GABRB1: variants seen among roughly 807,000 people sequenced by gnomAD.
GABRB1 encodes gamma-aminobutyric acid type A receptor subunit beta1.
Under a neutral mutation model 51.6 loss-of-function variants are expected in GABRB1, and 17 were observed. The observed-to-expected ratio is 0.33, with a 90% CI of 0.23 to 0.49. GABRB1 has a LOEUF of 0.49. GABRB1 is among the 20% of genes least tolerant of loss of function. GABRB1 has a pLI of 0.99. For missense variants in GABRB1, 410 were observed against 600.6 expected (o/e 0.68, Z 3.32); for synonymous variants, 247 against 218.9 (o/e 1.13, Z -1.14).
rs1722145765 is a variant in GABRB1 at position 47,254,979 on chromosome 4, C to A, written c.462-65148C>A. On this transcript the variant is annotated intron_variant, in intron 4 of 8. Coordinates refer to ENST00000295454, the MANE Select transcript of GABRB1 (RefSeq NM_000812.4). ...TTCTGCCTATTTGCTCAGTAACCAA[C>A]TAGAACCATACTACATTGCCTATAA... 2.6e-5 allele frequency among the ~76,000 whole-genome samples: 4 copies of A among 152,190 alleles called. No homozygotes were observed. The South Asian group carries it at 8.3e-4, about 31-fold the overall frequency.
At chr4:47,071,281 A>G (rs1490095042) in intron 3 of GABRB1, among the ~76,000 whole-genome samples, 1 of 152,226 alleles carries the variant, frequency 6.6e-6, no homozygotes, top group Admixed American at 6.5e-5. Context: ...AACCTTCACC[A>G]TCTATGCACA....
intron 5 of GABRB1, among the ~76,000 whole-genome samples, chr4:47,332,955 C>A (rs1403316783): frequency 6.6e-6 from 1 of 151,284 alleles, no homozygotes; most frequent in African/African-American, 2.4e-5. Flanking sequence ...AAAGTGCATG[C>A]CTTGAAATAG....
At chr4:47,344,796 C>T (rs1006664934) in intron 5 of GABRB1, among the ~76,000 whole-genome samples, 2 of 152,134 alleles carry the variant, frequency 1.3e-5, no homozygotes, top group Non-Finnish European at 2.9e-5. Context: ...AGTCTCAGCT[C>T]ACTCTAACCC....
At chr4:47,372,797 GTA>G (rs1234667231) in intron 5 of GABRB1, among the ~76,000 whole-genome samples, 8 of 152,266 alleles carry the variant, frequency 5.3e-5, no homozygotes, top group Admixed American at 3.9e-4. Flanking sequence ...CTCTCTTTGG[GTA>G]TATGAGTGAG....
intron 3 of GABRB1, among the ~76,000 whole-genome samples, chr4:47,148,172 A>G (rs1188651022): frequency 6.6e-6 from 1 of 152,054 alleles, no homozygotes; most frequent in Non-Finnish European, 1.5e-5. Flanking sequence ...GCCAGAAGAG[A>G]AAAAGAGTCA....
intron 5 of GABRB1, among the ~76,000 whole-genome samples, chr4:47,339,632 A>G (rs1216735684): frequency 2.0e-5 from 3 of 150,552 alleles, no homozygotes; most frequent in Non-Finnish European, 3.0e-5. Flanking sequence ...GAGAGTTGTC[A>G]TTAGTTCTAT....
chr4:47,293,421 G>A (rs1723838575), intron 4 of GABRB1, among the ~76,000 whole-genome samples: 2 of 152,142 alleles, frequency 1.3e-5, no homozygotes, highest in Admixed American at 1.3e-4. Context: ...TTACAGGCAT[G>A]AGCCACCGTG....
chr4:47,341,451 G>A (rs1279172696), intron 5 of GABRB1, among the ~76,000 whole-genome samples: 12 of 152,138 alleles, frequency 7.9e-5, no homozygotes, highest in Admixed American at 7.2e-4. Context: ...CATCTAGCAA[G>A]TAAAGGTGGG....
rs149368499 is a variant in GABRB1 at position 47,323,840 on chromosome 4, A to G, written c.544+3631A>G. Among the ~76,000 whole-genome samples, 4 of 152,370 alleles carry G rather than the reference A, an allele frequency of 2.6e-5. No homozygotes were observed. The East Asian group carries it at 7.7e-4, about 29-fold the overall frequency. ...TGAAAAAGCCATAAAGGCTTGTTAA[A>G]TTGAAAGTTTGCTTGAACTTGGAGC... On this transcript the variant is annotated intron_variant, in intron 5 of 8. Coordinates refer to ENST00000295454, the MANE Select transcript of GABRB1 (RefSeq NM_000812.4).
At chr4:47,283,579 G>A (rs1022113278) in intron 4 of GABRB1, among the ~76,000 whole-genome samples, 1 of 150,786 alleles carries the variant, frequency 6.6e-6, no homozygotes, top group Non-Finnish European at 1.5e-5. Flanking sequence ...TGGTAGAGAC[G>A]GGGTTTCACT....
rs538015499 is a variant in GABRB1, at chr4:47,243,064, C to A, written c.462-77063C>A. ...ATCCATCTTGAATTAATTTTTGTAT[C>A]AGGTGTAAGGAAGGGATCCAGTTTC... On this transcript the variant is annotated intron_variant, in intron 4 of 8. Transcript: ENST00000295454. Among the ~76,000 whole-genome samples, 123 of 152,038 alleles carry A rather than the reference C, an allele frequency of 8.1e-4. 2 individuals are homozygous for A. In the South Asian group the frequency reaches 0.022, roughly 27 times the overall value.
intron 3 of GABRB1, among the ~76,000 whole-genome samples, chr4:47,100,134 A>T (rs938740562): frequency 6.6e-6 from 1 of 152,026 alleles, no homozygotes; most frequent in Non-Finnish European, 1.5e-5. Flanking sequence ...AGGAATGGGG[A>T]CCTATTTCTA....
chr4:47,022,058 T>C (rs879759700), intron 1 of GABRB1, among the ~76,000 whole-genome samples: 23 of 152,162 alleles, frequency 1.5e-4, no homozygotes, highest in Non-Finnish European at 3.2e-4. Context: ...AATTAGTTTC[T>C]GTATCCCTTG....
chr4:47,001,268 G>T (rs553968998), intron 1 of GABRB1, among the ~76,000 whole-genome samples: 5 of 151,870 alleles, frequency 3.3e-5, no homozygotes, highest in Admixed American at 2.0e-4. Context: ...TCAGCCTCCC[G>T]AGTAGCTGGG....
At chr4:47,054,234 T>C (rs960499472) in intron 3 of GABRB1, among the ~76,000 whole-genome samples, 1 of 152,084 alleles carries the variant, frequency 6.6e-6, no homozygotes, top group African/African-American at 2.4e-5. Context: ...AGGCAGAACC[T>C]TGAACACTCA....
chr4:47,295,450 A>G (rs1251540215), intron 4 of GABRB1, among the ~76,000 whole-genome samples: 1 of 152,262 alleles, frequency 6.6e-6, no homozygotes, highest in African/African-American at 2.4e-5. Flanking sequence ...CTCGAGAACT[A>G]CATGAAGAAT....
At chr4:47,333,231 TATATAC>T (rs1465706033) in intron 5 of GABRB1, among the ~76,000 whole-genome samples, 1,901 of 26,192 alleles carry the variant, frequency 0.073, 83 homozygotes, top group African/African-American at 0.17. Flanking sequence ...TATATATATA[TATATAC>T]ACACCACGTA....
chr4:47,091,080 T>C (rs1577898989), intron 3 of GABRB1, among the ~76,000 whole-genome samples: 1 of 134,250 alleles, frequency 7.4e-6, no homozygotes. Context: ...CACTGGCCAG[T>C]GTCTGGGGAT....
intron 8 of GABRB1, among the ~76,000 whole-genome samples, chr4:47,408,742 G>A (rs1031157575): frequency 6.6e-6 from 1 of 152,178 alleles, no homozygotes; most frequent in African/African-American, 2.4e-5. Context: ...AGCTTTAAAA[G>A]TACTTTGGGA....
Sources: allele counts gnomAD v4.1 joint callset (sites outside exome capture counted in the v4.1 genomes callset), GRCh38; gene constraint gnomAD v4.1.1; transcripts MANE v1.5; gene names NCBI Gene and HGNC (gene_info 2026-07-23, HGNC 2026-07-21).